Variants in SLC4A4 observed in about 807,000 individuals in gnomAD.
The protein encoded by SLC4A4 is solute carrier family 4 member 4, also known as electrogenic sodium bicarbonate cotransporter 1.
Under a neutral mutation model 111.5 loss-of-function variants are expected in SLC4A4, and 27 were observed. The ratio of observed to expected loss-of-function variants is 0.24; its 90% confidence interval spans 0.18 to 0.33. The LOEUF is 0.33. Ranked by LOEUF, SLC4A4 falls within the 10% of genes least tolerant of loss-of-function variation. The pLI is 1.00. For missense variants in SLC4A4, 909 were observed against 1,315.5 expected (o/e 0.69, Z 4.78); for synonymous variants, 443 against 463.4 (o/e 0.96, Z 0.57).
chr4:71,396,348 G>A (rs1443455428), intron 6 of SLC4A4, among the ~76,000 whole-genome samples: 4 of 152,122 alleles, frequency 2.6e-5, no homozygotes, highest in African/African-American at 9.7e-5. Flanking sequence ...TAGTTAAAAG[G>A]AATGATATTT....
At chr4:71,179,783 A>G (rs1298698959) in intron 2 of SLC4A4, among the ~76,000 whole-genome samples, 1 of 152,178 alleles carries the variant, frequency 6.6e-6, no homozygotes, top group South Asian at 2.1e-4. Flanking sequence ...TGCCCAAGGT[A>G]ATTTATAGAT....
At chr4:71,176,342 G>T (rs572143487) in intron 2 of SLC4A4, among the ~76,000 whole-genome samples, 1 of 152,176 alleles carries the variant, frequency 6.6e-6, no homozygotes. Context: ...TGACTTTGAC[G>T]AGTTGAGAGA....
At chr4:71,073,154 A>G (rs1025014705) in intron 1 of SLC4A4, among the ~76,000 whole-genome samples, 5 of 152,086 alleles carry the variant, frequency 3.3e-5, no homozygotes, top group Non-Finnish European at 7.4e-5. Flanking sequence ...AACCAGTCAC[A>G]TTGCTGAATT....
chr4:71,542,044 C>G (rs1735117608), intron 18 of SLC4A4, among the ~76,000 whole-genome samples: 1 of 151,946 alleles, frequency 6.6e-6, no homozygotes, highest in Admixed American at 6.6e-5. Context: ...TTTGCAGAAA[C>G]AACTTCTCTG....
chr4:71,150,859 C>T lies in SLC4A4; in HGVS notation c.-2+58067C>T, dbSNP rs74467298. ...TTCTTATATTTTACTTCTATGCGCT[C>T]AAAGGTCTGGAATCTGGGGATGTTT... On this transcript the variant is annotated intron_variant, in intron 2 of 26. Coordinates refer to the SLC4A4 transcript ENST00000649996. Among the ~76,000 whole-genome samples the T allele has an allele frequency of 5.2e-3, 791 of 152,102 alleles. 7 individuals carry two copies. Among genetic ancestry groups the T allele is most frequent in the African/African-American group, 0.018 (742 of 41,506 alleles).
chr4:71,295,278 A>G (rs1033753782), intron 3 of SLC4A4, among the ~76,000 whole-genome samples: 2 of 152,234 alleles, frequency 1.3e-5, no homozygotes, highest in African/African-American at 4.8e-5. Context: ...GTATCTCTCT[A>G]TACTTACAAA....
At chr4:71,434,222 C>G (rs1009659712) in intron 7 of SLC4A4, among the ~76,000 whole-genome samples, 19 of 151,998 alleles carry the variant, frequency 1.3e-4, no homozygotes, top group Non-Finnish European at 2.4e-4. Flanking sequence ...AGGGTAAGAT[C>G]TGATAAAGTT....
At chr4:71,235,118 T>A (rs1228922694) in intron 1 of SLC4A4, among the ~76,000 whole-genome samples, 1 of 152,180 alleles carries the variant, frequency 6.6e-6, no homozygotes, top group Non-Finnish European at 1.5e-5. Context: ...AAGGTTGATA[T>A]TATTACCCCA....
At chr4:71,260,465 G>A (rs1195954379) in intron 3 of SLC4A4, among the ~76,000 whole-genome samples, 1 of 152,132 alleles carries the variant, frequency 6.6e-6, no homozygotes, top group Admixed American at 6.5e-5. Flanking sequence ...GGAAATGTAT[G>A]AAAATGAGGT....
At chr4:71,225,392 C>T (rs116015862) in intron 1 of SLC4A4, among the ~76,000 whole-genome samples, 166 of 152,062 alleles carry the variant, frequency 1.1e-3, no homozygotes, top group African/African-American at 3.9e-3. Flanking sequence ...ATCTCAGTTC[C>T]TACATTGTTA....
At chr4:71,542,150 C>G (rs1735127920) in intron 18 of SLC4A4, among the ~76,000 whole-genome samples, 1 of 152,086 alleles carries the variant, frequency 6.6e-6, no homozygotes, top group Admixed American at 6.6e-5. Context: ...AAATGTGTCT[C>G]CAGAGTTTAA....
chr4:71,466,325 G>A, intron 12 of SLC4A4, 119 bp from the exon 13 acceptor site: 1 of 1,090,950 alleles, frequency 9.2e-7, no homozygotes, highest in Non-Finnish European at 1.4e-6. Context: ...CTTCATTCTT[G>A]ATATGTTTGC....
intron 2 of SLC4A4, among the ~76,000 whole-genome samples, chr4:71,179,273 C>G (rs1342499172): frequency 1.3e-5 from 2 of 152,134 alleles, no homozygotes; most frequent in African/African-American, 4.8e-5. Context: ...AAACTGGAAG[C>G]ATTCCCTTTG....
intron 2 of SLC4A4, among the ~76,000 whole-genome samples, chr4:71,139,035 CAAAAAAA>C (rs5859250): frequency 7.0e-5 from 3 of 42,846 alleles, no homozygotes; most frequent in African/African-American, 2.0e-4. Context: ...GACTCCGTCT[CAAAAAAA>C]AAAAAAAAAA....
intron 21 of SLC4A4, 56 bp from the exon 22 acceptor site, chr4:71,557,656 A>C (rs927043107): frequency 2.0e-6 from 3 of 1,521,512 alleles, no homozygotes; most frequent in Non-Finnish European, 2.7e-6. Context: ...TTAGTTAGGC[A>C]TAGTGGAAAT....
chr4:71,126,023 T>C (rs181225746), intron 2 of SLC4A4, among the ~76,000 whole-genome samples: 1 of 152,338 alleles, frequency 6.6e-6, no homozygotes, highest in Admixed American at 6.5e-5. Flanking sequence ...TTTCATGTGA[T>C]GATTATTTTG....
At chr4:71,071,949 A>C (rs1741675444) in intron 1 of SLC4A4, among the ~76,000 whole-genome samples, 1 of 152,208 alleles carries the variant, frequency 6.6e-6, no homozygotes, top group East Asian at 1.9e-4. Context: ...TTGAAAATTT[A>C]ATTTTAATAG....
intron 3 of SLC4A4, among the ~76,000 whole-genome samples, chr4:71,323,574 T>TTA (rs1727281099): frequency 6.6e-6 from 1 of 151,980 alleles, no homozygotes; most frequent in African/African-American, 2.4e-5. Flanking sequence ...TATGCCCTGG[T>TTA]GGTTAAATGT....
chr4:71,409,837 C>T (rs1433846135), intron 7 of SLC4A4, among the ~76,000 whole-genome samples: 1 of 152,202 alleles, frequency 6.6e-6, no homozygotes, highest in African/African-American at 2.4e-5. Flanking sequence ...TCGTGGGCCA[C>T]ACCCGGGGTC....
Sources: gnomAD v4.1 joint callset for allele counts (sites outside exome capture counted in the v4.1 genomes callset) on GRCh38, gnomAD v4.1.1 for gene constraint, MANE v1.5 for transcripts, NCBI Gene and HGNC (gene_info 2026-07-23, HGNC 2026-07-21) for gene names.